Variants in PCLO observed in about 807,000 individuals in gnomAD.
PCLO encodes the protein protein piccolo.
PCLO carries 82 observed loss-of-function variants against 427.5 expected under a neutral mutation model. That is an observed-to-expected ratio of 0.19 (90% CI 0.16 to 0.23). The LOEUF (loss-of-function observed/expected upper bound fraction) is 0.23, where lower values mean the gene tolerates loss of function less well. PCLO is among the 10% of genes least tolerant of loss of function. PCLO has a pLI of 1.00. For synonymous variants in PCLO, 2,357 were observed against 2,155.4 expected (o/e 1.09, Z -2.59); for missense variants, 6,239 against 6,115.9 (o/e 1.02, Z -0.67).
chr7:83,162,583 C>A lies in PCLO; in HGVS notation c.10G>T (p.Glu4Ter). MGN[E>*]ASLEGEGLPE... ...AGCCCTTCCCCTTCCAAGCTCGCCT[C>A]GTTGCCCATGGCTCAGGGAGACTCG... Residue 4 changes from glutamate to a stop codon, truncating the protein, a stop_gained, in exon 1 of 25, where the codon GAG (glutamate) becomes TAG (stop). Coordinates refer to ENST00000333891, the MANE Select transcript of PCLO (RefSeq NM_033026.6). LOFTEE classifies it high-confidence loss of function. 1 of 1,546,702 alleles carries A rather than the reference C, an allele frequency of 6.5e-7. No individual in the cohort carries two copies. Among genetic ancestry groups the A allele is most frequent in the Non-Finnish European group, 8.7e-7 (1 of 1,147,882 alleles).
intron 3 of PCLO, among the ~76,000 whole-genome samples, chr7:83,057,400 C>CG (rs1435916686): frequency 8.8e-6 from 1 of 113,256 alleles, no homozygotes; most frequent in Non-Finnish European, 1.7e-5. Context: ...CTCGCTCTGT[C>CG]ACCCAGGCTG....
At chr7:82,800,850 G>C (rs1310580582) in intron 22 of PCLO, among the ~76,000 whole-genome samples, 4 of 151,978 alleles carry the variant, frequency 2.6e-5, no homozygotes, top group African/African-American at 4.8e-5. Context: ...CTCCCAAAGT[G>C]CTGGGATTTC....
chr7:83,079,420 ACT>A (rs1367312664), intron 3 of PCLO, among the ~76,000 whole-genome samples: 1 of 151,972 alleles, frequency 6.6e-6, no homozygotes, highest in Non-Finnish European at 1.5e-5. Context: ...GGTAGAAATA[ACT>A]CTGCTGGAAC....
intron 21 of PCLO, among the ~76,000 whole-genome samples, chr7:82,802,985 C>A (rs995899100): frequency 1.3e-5 from 2 of 151,944 alleles, no homozygotes; most frequent in Admixed American, 6.6e-5. Flanking sequence ...TGTGAGGGAC[C>A]AAGTTCATGC....
rs781225685 is a variant in PCLO, at chr7:82,824,332, G to C, written c.14500C>G (p.His4834Asp). The change falls in exon 19 of 25, where the codon CAT becomes GAT. Residue 4834 changes from histidine to aspartate, a missense_variant. Physicochemically the swap from His to Asp is moderately conservative, Grantham distance 81. Coordinates refer to ENST00000333891, the MANE Select transcript of PCLO (RefSeq NM_033026.6). ...PLKEQTESID[H>D]GKSHSSQSSQ... Reference sequence around the variant, plus strand: ...CTCTGACTGGAATGAGACTTGCCATGATCAATGCTTTCAGTCTGTTCTTTG... The same window carrying C: ...CTCTGACTGGAATGAGACTTGCCATCATCAATGCTTTCAGTCTGTTCTTTG... 5 of 1,613,076 alleles carry C rather than the reference G, an allele frequency of 3.1e-6. No homozygotes were observed. The South Asian group carries it at 5.5e-5, about 18-fold the overall frequency.
In PCLO at chr7:82,953,177, T is replaced by C. The variant is rs1216468385; in HGVS notation, c.7776A>G (p.Pro2592=). 1 of 1,613,946 alleles carries C rather than the reference T, an allele frequency of 6.2e-7. No individual in the cohort carries two copies. The highest frequency in any genetic ancestry group is 8.5e-7 in the Non-Finnish European group (1 of 1,179,862). ...TTGCTTGACTAGCAGAAGAATCTGT[T>C]GGAGTCCCTGGTTCAGATGGCAATG... The part of the protein sequence containing the change: ...VITLPSEPGT[P]TDSSASQAIT... Residue 2592 remains proline (P), a synonymous_variant, in exon 5 of 25, where the codon CCA becomes CCG. Coordinates refer to ENST00000333891, the MANE Select transcript of PCLO (RefSeq NM_033026.6).
At chr7:82,780,347 C>T (rs375525045) in intron 22 of PCLO, among the ~76,000 whole-genome samples, 3 of 152,192 alleles carry the variant, frequency 2.0e-5, no homozygotes, top group South Asian at 2.1e-4. Context: ...ACTAATAGAA[C>T]GTTTGTTCTG....
intron 3 of PCLO, among the ~76,000 whole-genome samples, chr7:83,121,160 T>C (rs1026568223): frequency 9.8e-4 from 40 of 40,976 alleles, no homozygotes; most frequent in African/African-American, 7.5e-3. Flanking sequence ...AACAAAAAAC[T>C]TTTGTAAAGA....
chr7:83,077,855 T>C (rs1041991793), intron 3 of PCLO, among the ~76,000 whole-genome samples: 2 of 151,988 alleles, frequency 1.3e-5, no homozygotes, highest in Middle Eastern at 3.2e-3. Flanking sequence ...AGTCATGAGA[T>C]TCATCACAAT....
At chr7:83,100,784 T>A (rs1790717925) in intron 3 of PCLO, among the ~76,000 whole-genome samples, 1 of 152,128 alleles carries the variant, frequency 6.6e-6, no homozygotes, top group South Asian at 2.1e-4. Context: ...AACAAACCTG[T>A]ACTTGTACTC....
At chr7:83,157,643 AAACTTTTAAAATAATTCATACTTT>A (rs1210764582) in intron 1 of PCLO, among the ~76,000 whole-genome samples, 5 of 151,798 alleles carry the variant, frequency 3.3e-5, no homozygotes, top group Non-Finnish European at 7.4e-5. Context: ...TTAAATACAG[AAACTTTTAAAATAATTCATACTTT>A]AACTTTTAAA....
chr7:82,810,447 G>A (rs1791545412), intron 20 of PCLO, among the ~76,000 whole-genome samples: 1 of 123,276 alleles, frequency 8.1e-6, no homozygotes, highest in African/African-American at 2.5e-5. Context: ...AATCTTAAGT[G>A]TATTACTAAG....
At chr7:82,884,388 A>G (rs970705770) in intron 9 of PCLO, among the ~76,000 whole-genome samples, 5 of 152,180 alleles carry the variant, frequency 3.3e-5, no homozygotes, top group South Asian at 2.1e-4. Flanking sequence ...CAAATGACAG[A>G]TGATGCATGC....
At chr7:82,826,026 T>A (rs1194670690) in intron 18 of PCLO, among the ~76,000 whole-genome samples, 1 of 150,980 alleles carries the variant, frequency 6.6e-6, no homozygotes, top group Non-Finnish European at 1.5e-5. Flanking sequence ...ATTTTTAAAT[T>A]TTTACAAGTA....
chr7:83,081,473 C>A (rs573682074), intron 3 of PCLO, among the ~76,000 whole-genome samples: 1 of 151,738 alleles, frequency 6.6e-6, no homozygotes, highest in African/African-American at 2.4e-5. Flanking sequence ...ATGGAAAATA[C>A]CCAGACTATA....
At chr7:82,920,444 T>G (rs370071861) in intron 6 of PCLO, among the ~76,000 whole-genome samples, 1 of 151,750 alleles carries the variant, frequency 6.6e-6, no homozygotes. Context: ...ACTGGATATA[T>G]AAATTTAAAG....
intron 22 of PCLO, among the ~76,000 whole-genome samples, chr7:82,788,040 T>C (rs935709365): frequency 6.6e-5 from 10 of 151,788 alleles, no homozygotes; most frequent in African/African-American, 2.2e-4. Context: ...AAATAGAGCA[T>C]GCCTCTGGTT....
intron 3 of PCLO, among the ~76,000 whole-genome samples, chr7:82,991,395 T>C (rs146932990): frequency 9.1e-4 from 138 of 152,190 alleles, no homozygotes; most frequent in African/African-American, 2.9e-3. Context: ...TCATGAAACA[T>C]TGATGTTATA....
intron 2 of PCLO, among the ~76,000 whole-genome samples, chr7:83,137,788 T>C (rs1479401954): frequency 2.0e-5 from 3 of 152,202 alleles, no homozygotes; most frequent in African/African-American, 7.2e-5. Context: ...CTGTACTCAC[T>C]ATATTGTCTT....
Sources: gnomAD v4.1 joint callset for allele counts (sites outside exome capture counted in the v4.1 genomes callset) on GRCh38, gnomAD v4.1.1 for gene constraint, MANE v1.5 for transcripts, NCBI Gene and HGNC (gene_info 2026-07-23, HGNC 2026-07-21) for gene names.